BIN1: variants seen among roughly 807,000 people sequenced by gnomAD.
The protein encoded by BIN1 is myc box-dependent-interacting protein 1.
BIN1 carries 53 observed loss-of-function variants against 82.0 expected under a neutral mutation model. That is an observed-to-expected ratio of 0.65 (90% confidence interval 0.52 to 0.81). BIN1 has a LOEUF of 0.81. Among genes scored for constraint, BIN1 ranks in the 40% least tolerant of loss-of-function variants. BIN1 has a pLI of 0.00. For missense variants in BIN1, 642 were observed against 784.4 expected, an observed-to-expected ratio of 0.82 and a Z score of 2.17; for synonymous variants, 302 against 328.0, an observed-to-expected ratio of 0.92 and a Z score of 0.86.
intron 1 of BIN1, among the ~76,000 whole-genome samples, chr2:127,102,127 G>A (rs1486970333): frequency 2.0e-5 from 3 of 152,158 alleles, no homozygotes; most frequent in African/African-American, 4.8e-5. Flanking sequence ...GGAAGGGTCC[G>A]CAGCATGTCA....
At chr2:127,064,150 C>A in intron 7 of BIN1, 132 bp from the exon 8 acceptor site, 3 of 1,024,828 alleles carry the variant, frequency 2.9e-6, no homozygotes, top group Non-Finnish European at 4.5e-6. Flanking sequence ...AAGACAGAGG[C>A]TGAACTGGAT....
intron 2 of BIN1, among the ~76,000 whole-genome samples, chr2:127,075,448 A>C (rs1686455872): frequency 6.6e-6 from 1 of 152,210 alleles, no homozygotes; most frequent in Non-Finnish European, 1.5e-5. Flanking sequence ...AGGCCCAAGA[A>C]GCTCTGGGAA....
chr2:127,081,343 G>C (rs1395044622), intron 1 of BIN1, among the ~76,000 whole-genome samples: 1 of 152,224 alleles, frequency 6.6e-6, no homozygotes, highest in Non-Finnish European at 1.5e-5. Context: ...TCAGGACACA[G>C]CCTGACACCG....
chr2:127,071,793 T>C (rs569067102), intron 2 of BIN1, among the ~76,000 whole-genome samples: 1 of 152,324 alleles, frequency 6.6e-6, no homozygotes, highest in East Asian at 1.9e-4. Context: ...AGTAAGCTAG[T>C]GAGCCTCTCT....
At chr2:127,085,025 C>G (rs1208934496) in intron 1 of BIN1, among the ~76,000 whole-genome samples, 1 of 152,182 alleles carries the variant, frequency 6.6e-6, no homozygotes. Context: ...GCCTTGTTCT[C>G]CCTCCATCCC....
chr2:127,052,243 G>A lies in BIN1; in HGVS notation c.1371+12C>T, dbSNP rs1015206482. The A allele has an allele frequency of 1.3e-6, 2 of 1,563,600 alleles. No homozygotes were observed. Among genetic ancestry groups the A allele is most frequent in the Admixed American group, 3.8e-5 (2 of 53,026 alleles). On this transcript the variant is annotated intron_variant, in intron 15 of 18. Transcript: ENST00000316724. ...GGGACAAGCCAGACAGGGGCTGGAGGTGGGCACTTACTTGGGCAGGCCCCG... is the reference window on the plus strand; with the variant it reads ...GGGACAAGCCAGACAGGGGCTGGAGATGGGCACTTACTTGGGCAGGCCCCG...
Position 127,107,140 on chromosome 2 carries a change from G to C in BIN1, c.-197C>G. On this transcript the variant is annotated 5_prime_UTR_variant, in exon 1 of 19. Coordinates refer to ENST00000316724, the MANE Select transcript of BIN1 (RefSeq NM_139343.3). This position sits in a 1 kb window ranked among gnomAD's most constrained non-coding sequence, Gnocchi z 5.9. The stretch of plus-strand genomic sequence containing the variant: ...CGAGCCAGCGAGCTAGCCAGCGAGC[G>C]ACGCGGGGACAGAGGGAGGGAGAGG... 1.9e-6 allele frequency: 1 copy of C among 517,172 alleles called. No individual in the cohort carries two copies. Among genetic ancestry groups the C allele is most frequent in the Non-Finnish European group, 3.0e-6 (1 of 330,788 alleles). The allele number at this position is 517,172 out of a possible 1,614,324, so 32.0% of individuals were successfully genotyped here. A position where few individuals can be genotyped will look rare whatever the true frequency, so the allele number is the denominator to read the frequency against.
In BIN1 at chr2:127,076,711, C is replaced by T. The variant is rs371593265; in HGVS notation, c.85-5G>A. The T allele has an allele frequency of 2.5e-5, 40 of 1,614,054 alleles. No homozygotes were observed. The highest frequency in any genetic ancestry group is 3.3e-5 in the South Asian group (3 of 91,058). On this transcript the variant is annotated splice_polypyrimidine_tract_variant and splice_region_variant and intron_variant, in intron 1 of 18. Transcript: ENST00000316724. ...CTTCCCCAGCTTCTGGAGAACCTGC[C>T]GAAGCCAAGAGAGAAGGGGAGAGTG...
intron 4 of BIN1, 91 bp from the exon 5 acceptor site, chr2:127,070,181 TCTCTTCACAG>T (rs1685697487): frequency 9.6e-7 from 1 of 1,037,654 alleles, no homozygotes; most frequent in African/African-American, 1.6e-5. Flanking sequence ...CCCAGCCCCA[TCTCTTCACAG>T]CTCAGTGGCT....
chr2:127,072,445 C>G (rs1686008653), intron 2 of BIN1, among the ~76,000 whole-genome samples: 1 of 152,280 alleles, frequency 6.6e-6, no homozygotes, highest in African/African-American at 2.4e-5. Context: ...CCCATGAGAC[C>G]CTCCAAGCCT....
chr2:127,106,072 G>A (rs1681077071), intron 1 of BIN1, among the ~76,000 whole-genome samples: 1 of 152,252 alleles, frequency 6.6e-6, no homozygotes, highest in Admixed American at 6.5e-5. Flanking sequence ...CTCTCCGCGA[G>A]GAGGGGTCGG....
chr2:127,070,264 A>T (rs568836907), intron 4 of BIN1, among the ~76,000 whole-genome samples, 174 bp from the exon 5 acceptor site: 63 of 152,270 alleles, frequency 4.1e-4, no homozygotes, highest in Non-Finnish European at 7.8e-4. Flanking sequence ...TATTGGGGTG[A>T]CTGTGAGGAT....
At position 127,050,352 on chromosome 2, in the gene BIN1, C is replaced by T. The variant is rs1031330111; in HGVS notation, c.1674+69G>A. 53 of 1,564,260 alleles carry T rather than the reference C, an allele frequency of 3.4e-5. No homozygotes were observed. The Admixed American group carries it at 4.7e-4, about 14-fold the overall frequency. On this transcript the variant is annotated intron_variant, in intron 18 of 18. Coordinates refer to ENST00000316724, the MANE Select transcript of BIN1 (RefSeq NM_139343.3). ...GCCCCCTGCTGGCCTGTCTCCGCCA[C>T]GGCGGTGCCAGCCGCAGCCAGGATG...
At chr2:127,079,295 T>C (rs1173647515) in intron 1 of BIN1, among the ~76,000 whole-genome samples, 1 of 152,194 alleles carries the variant, frequency 6.6e-6, no homozygotes. Flanking sequence ...ATCTACAAAA[T>C]GAAGTGAACA....
rs1678744869 is a variant in BIN1 at position 127,090,223 on chromosome 2, G to GCC, written c.85-13519_85-13518dup. 1.3e-5 allele frequency among the ~76,000 whole-genome samples: 2 copies of GCC among 152,306 alleles called. No individual in the cohort carries two copies. Among genetic ancestry groups the GCC allele is most frequent in the Middle Eastern group, 3.4e-3 (1 of 294 alleles). ...TGGGAAAAGGGTAAACCGACAAGAG[G>GCC]CCCCATGGAAATCAACCAAACAGCT... On this transcript the variant is annotated intron_variant, in intron 1 of 18. Transcript: ENST00000316724. This position sits in a 1 kb window ranked among gnomAD's most constrained non-coding sequence, Gnocchi z 6.4.
chr2:127,068,875 C>CT lies in BIN1; in HGVS notation c.519+48dup. On this transcript the variant is annotated intron_variant, in intron 6 of 18. Coordinates refer to ENST00000316724, the MANE Select transcript of BIN1 (RefSeq NM_139343.3). This position sits in a 1 kb window ranked among gnomAD's most constrained non-coding sequence, Gnocchi z 4.9. ...ACCCTCGGGGTCCTAGACACCCGCC[C>CT]TCTCTCAGCCCCCTGCAGACGCTGC... The CT allele has an allele frequency of 6.4e-7, 1 of 1,556,176 alleles. No homozygotes were observed. The highest frequency in any genetic ancestry group is 8.9e-7 in the Non-Finnish European group (1 of 1,128,346).
intron 1 of BIN1, among the ~76,000 whole-genome samples, chr2:127,085,811 G>A (rs1447716452): frequency 6.6e-6 from 1 of 152,188 alleles, no homozygotes; most frequent in East Asian, 1.9e-4. Context: ...CCCATACCTG[G>A]GGCCCCCATG....
At chr2:127,061,121 AC>A (rs1490233541) in intron 10 of BIN1, among the ~76,000 whole-genome samples, 2 of 150,784 alleles carry the variant, frequency 1.3e-5, no homozygotes, top group East Asian at 3.9e-4. Flanking sequence ...CAGTGTTCCC[AC>A]CTGTGCCTAC....
chr2:127,074,665 G>A (rs1686362569), intron 2 of BIN1, among the ~76,000 whole-genome samples: 1 of 152,180 alleles, frequency 6.6e-6, no homozygotes, highest in South Asian at 2.1e-4. Context: ...GCTCCCAACT[G>A]TGCTTCCCTC....
Sources: allele counts gnomAD v4.1 joint callset (sites outside exome capture counted in the v4.1 genomes callset), GRCh38; gene constraint gnomAD v4.1.1; non-coding constraint Gnocchi (gnomAD v3.1); transcripts MANE v1.5; gene names NCBI Gene and HGNC (gene_info 2026-07-23, HGNC 2026-07-21).